Variants in RFX8 observed in about 807,000 individuals in gnomAD.
The protein encoded by RFX8 is regulatory factor X8.
RFX8 carries 46 observed loss-of-function variants against 54.6 expected under a neutral mutation model. The ratio of observed to expected loss-of-function variants is 0.84; its 90% CI spans 0.67 to 1.08. RFX8 has a LOEUF of 1.08. Among genes scored for constraint, RFX8 ranks in the 50% least tolerant of loss-of-function variants. The pLI is 0.00. For missense variants in RFX8, 536 were observed against 562.3 expected (o/e 0.95, Z 0.47); for synonymous variants, 192 against 209.5 (o/e 0.92, Z 0.72).
chr2:101,421,523 T>G (rs1005746732), intron 4 of RFX8: 10 of 1,279,918 alleles, frequency 7.8e-6, no homozygotes, highest in Non-Finnish European at 8.9e-6. Flanking sequence ...AATTTCCAAC[T>G]GATTACACTG....
chr2:101,451,275 A>C (rs1688664050), intron 2 of RFX8, among the ~76,000 whole-genome samples: 1 of 152,184 alleles, frequency 6.6e-6, no homozygotes, highest in South Asian at 2.1e-4. Context: ...ATTTGGCTTC[A>C]ATGTCTTCTC....
At chr2:101,401,997 T>C (rs1685466125) in intron 11 of RFX8, among the ~76,000 whole-genome samples, 1 of 152,196 alleles carries the variant, frequency 6.6e-6, no homozygotes, top group Admixed American at 6.5e-5. Context: ...GTTAGGTAAA[T>C]AGTAACTCTA....
chr2:101,448,275 G>A (rs1299392155), intron 2 of RFX8, among the ~76,000 whole-genome samples: 1 of 152,080 alleles, frequency 6.6e-6, no homozygotes, highest in Non-Finnish European at 1.5e-5. Flanking sequence ...AGGACTTGTG[G>A]ACACCCTCCA....
chr2:101,467,760 G>A (rs916366607), intron 1 of RFX8, among the ~76,000 whole-genome samples: 10 of 152,054 alleles, frequency 6.6e-5, no homozygotes, highest in Non-Finnish European at 4.4e-5. Context: ...TATTCCAGCA[G>A]CAGTATGTGA....
intron 6 of RFX8, among the ~76,000 whole-genome samples, chr2:101,416,818 G>A (rs565682988): frequency 6.6e-5 from 10 of 152,304 alleles, no homozygotes; most frequent in South Asian, 4.1e-4. Flanking sequence ...TCAGGCTCGC[G>A]CTTGGAAGCC....
At chr2:101,406,149 G>A (rs935107598) in intron 9 of RFX8, 92 bp from the exon 10 acceptor site, 14 of 682,074 alleles carry the variant, frequency 2.1e-5, no homozygotes, top group African/African-American at 5.5e-5. Flanking sequence ...TCATGCACAC[G>A]CATTTTTAAA....
Position 101,433,189 on chromosome 2 carries a change from A to G in RFX8, c.73-10717T>C, listed in dbSNP as rs111244850. Among the ~76,000 whole-genome samples, 858 of 152,166 alleles carry G rather than the reference A, an allele frequency of 5.6e-3. 8 individuals are homozygous for G. Among genetic ancestry groups the G allele is most frequent in the African/African-American group, 0.019 (790 of 41,514 alleles). Reference sequence around the variant, plus strand: ...AGTCACATGAAGCGACAGGGCCTCAATTTTGCACCCTGTAAAGGGAAGGAT... The same window carrying G: ...AGTCACATGAAGCGACAGGGCCTCAGTTTTGCACCCTGTAAAGGGAAGGAT... On this transcript the variant is annotated intron_variant, in intron 2 of 11. Transcript: ENST00000428343.
intron 1 of RFX8, among the ~76,000 whole-genome samples, chr2:101,470,709 CTTTTTTTTTT>C (rs537834632): frequency 5.6e-4 from 59 of 105,546 alleles, no homozygotes; most frequent in African/African-American, 1.7e-3. Flanking sequence ...TCTGAGTACT[CTTTTTTTTTT>C]TTTTTTTTTT....
chr2:101,469,066 GTA>G lies in RFX8; in HGVS notation c.-52-2168_-52-2167del, dbSNP rs1255841267. Among the ~76,000 whole-genome samples the G allele has an allele frequency of 2.3e-3, 28 of 12,220 alleles. 1 individual carries two copies. Among genetic ancestry groups the G allele is most frequent in the Admixed American group, 4.6e-3 (5 of 1,080 alleles). The allele number at this position is 12,220 out of a possible 152,430, so 8.0% of individuals were successfully genotyped here. ...TGTATATATATATACGTATATATAT[GTA>G]TATATATATAAGTGTATATATATAA... On this transcript the variant is annotated intron_variant, in intron 1 of 11. Transcript: ENST00000428343.
chr2:101,470,370 T>C (rs1225650791), intron 1 of RFX8, among the ~76,000 whole-genome samples: 1 of 152,192 alleles, frequency 6.6e-6, no homozygotes, highest in African/African-American at 2.4e-5. Context: ...TGAGCCTGAC[T>C]TCCAACCACC....
intron 1 of RFX8, among the ~76,000 whole-genome samples, chr2:101,472,204 G>A (rs1202881975): frequency 6.6e-6 from 1 of 152,134 alleles, no homozygotes; most frequent in Non-Finnish European, 1.5e-5. Context: ...AGGTTCAAGC[G>A]ATTCTTCTGC....
intron 5 of RFX8, among the ~76,000 whole-genome samples, chr2:101,418,418 A>G (rs1686661710): frequency 6.6e-6 from 1 of 152,230 alleles, no homozygotes; most frequent in Non-Finnish European, 1.5e-5. Context: ...TTTAATCCAG[A>G]GAAGATATAA....
chr2:101,447,446 C>T (rs763790502), intron 2 of RFX8, among the ~76,000 whole-genome samples: 7 of 152,218 alleles, frequency 4.6e-5, no homozygotes, highest in Non-Finnish European at 1.0e-4. Flanking sequence ...GATCATGGTG[C>T]GGGCAGATTT....
At chr2:101,422,847 A>T (rs572251096) in intron 2 of RFX8, among the ~76,000 whole-genome samples, 2 of 152,354 alleles carry the variant, frequency 1.3e-5, no homozygotes, top group East Asian at 3.9e-4. Context: ...CCTCCTTGAA[A>T]TAAAATCATC....
rs1411290795 is a variant in RFX8, at chr2:101,435,312, AGT to A, written c.73-12842_73-12841del. Reference sequence around the variant, plus strand: ...AAAAGCTGACACGGTGAGAGAGGAAAGTGTGTGTGTTTCGGGAGGGATGAGGG... The same window carrying A: ...AAAAGCTGACACGGTGAGAGAGGAAAGTGTGTGTTTCGGGAGGGATGAGGG... On this transcript the variant is annotated intron_variant, in intron 2 of 11. Coordinates refer to ENST00000428343, the MANE Select transcript of RFX8 (RefSeq NM_001145664.2). Among the ~76,000 whole-genome samples the A allele has an allele frequency of 2.0e-5, 3 of 152,332 alleles. No individual in the cohort carries two copies. The East Asian group carries it at 5.8e-4, about 29-fold the overall frequency.
intron 2 of RFX8, among the ~76,000 whole-genome samples, chr2:101,461,065 G>A (rs62154329): frequency 0.039 from 5,907 of 151,254 alleles, 180 homozygotes; most frequent in East Asian, 0.076. Flanking sequence ...TCAGGAGATC[G>A]AGACCATCCT....
intron 4 of RFX8, among the ~76,000 whole-genome samples, chr2:101,420,113 C>G (rs1686778063): frequency 6.6e-6 from 1 of 152,206 alleles, no homozygotes; most frequent in Non-Finnish European, 1.5e-5. Context: ...CCTCTCTGTT[C>G]CACGACGGCC....
intron 1 of RFX8, among the ~76,000 whole-genome samples, chr2:101,471,097 G>T (rs1034200691): frequency 1.3e-5 from 2 of 151,788 alleles, no homozygotes; most frequent in Admixed American, 1.3e-4. Flanking sequence ...ACTTTGGGAG[G>T]CTGAGATGGG....
chr2:101,419,016 A>G, intron 4 of RFX8, 52 bp from the exon 5 acceptor site: 1 of 906,724 alleles, frequency 1.1e-6, no homozygotes, highest in Non-Finnish European at 1.7e-6. Flanking sequence ...ACCTCGCAAG[A>G]CTAACCCCCC....
Sources: gnomAD v4.1 joint callset for allele counts (sites outside exome capture counted in the v4.1 genomes callset) on GRCh38, gnomAD v4.1.1 for gene constraint, MANE v1.5 for transcripts, NCBI Gene and HGNC (gene_info 2026-07-23, HGNC 2026-07-21) for gene names.